RBPMS: variants seen among roughly 807,000 people sequenced by gnomAD.
The protein encoded by RBPMS is RNA binding protein, mRNA processing factor.
RBPMS carries 7 observed loss-of-function variants against 26.8 expected under a neutral mutation model. The observed-to-expected ratio is 0.26, with a 90% confidence interval of 0.15 to 0.49. RBPMS has a LOEUF of 0.49. RBPMS is among the 20% of genes least tolerant of loss of function. The pLI, the probability that RBPMS is intolerant of heterozygous loss-of-function variation, is 0.98. For synonymous variants in RBPMS, 96 were observed against 93.3 expected, an observed-to-expected ratio of 1.03 and a Z score of -0.17; for missense variants, 186 against 250.0, an observed-to-expected ratio of 0.74 and a Z score of 1.73.
chr8:30,485,698 C>G (rs190427121), intron 4 of RBPMS, among the ~76,000 whole-genome samples: 14 of 152,138 alleles, frequency 9.2e-5, no homozygotes, highest in South Asian at 2.1e-4. Context: ...TGAACTCCCC[C>G]CAAAGAAAAT....
intron 5 of RBPMS, among the ~76,000 whole-genome samples, chr8:30,530,035 G>C (rs553627249): frequency 1.3e-5 from 2 of 152,252 alleles, no homozygotes; most frequent in South Asian, 4.1e-4. Flanking sequence ...GATTACAGGC[G>C]TGAGCCACCG....
At chr8:30,461,052 A>C (rs1815831679) in intron 1 of RBPMS, among the ~76,000 whole-genome samples, 1 of 151,650 alleles carries the variant, frequency 6.6e-6, no homozygotes, top group African/African-American at 2.4e-5. Context: ...ATCTGAAAAA[A>C]AAAAAAAAGA....
intron 1 of RBPMS, among the ~76,000 whole-genome samples, chr8:30,412,872 T>A (rs1195348463): frequency 1.3e-5 from 2 of 152,194 alleles, no homozygotes; most frequent in Non-Finnish European, 2.9e-5. Flanking sequence ...AAAAGCTACT[T>A]TCCAAGATTT....
At chr8:30,440,507 C>T (rs959960345) in intron 1 of RBPMS, among the ~76,000 whole-genome samples, 6 of 152,174 alleles carry the variant, frequency 3.9e-5, no homozygotes, top group African/African-American at 7.2e-5. Flanking sequence ...CATGTCGTAG[C>T]GTGTGCCAGA....
chr8:30,411,985 CA>C (rs11367222), intron 1 of RBPMS, among the ~76,000 whole-genome samples: 76,254 of 120,772 alleles, frequency 0.63, 21,344 homozygotes, highest in African/African-American at 0.67. Flanking sequence ...GACTTCGTCT[CA>C]AAAAAAAAAA....
chr8:30,520,796 T>C (rs988184126), intron 5 of RBPMS, among the ~76,000 whole-genome samples: 1 of 152,112 alleles, frequency 6.6e-6, no homozygotes, highest in Non-Finnish European at 1.5e-5. Flanking sequence ...TTTACAGCTT[T>C]GTGAGAATAA....
chr8:30,514,680 C>CTTTTTTTTTTT (rs577244764), intron 5 of RBPMS, among the ~76,000 whole-genome samples: 1,852 of 82,406 alleles, frequency 0.022, 281 homozygotes, highest in South Asian at 0.042. Flanking sequence ...CCATGCCGGG[C>CTTTTTTTTTTT]TTTTTTTTTT....
intron 5 of RBPMS, among the ~76,000 whole-genome samples, chr8:30,511,034 A>G (rs763330026): frequency 6.6e-6 from 1 of 151,162 alleles, no homozygotes; most frequent in South Asian, 2.2e-4. Flanking sequence ...AATCAAGGCC[A>G]GGCGTGGTGG....
At chr8:30,544,780 C>G (rs1430983348) in intron 6 of RBPMS, 156 bp downstream of exon 6, 1 of 1,589,820 alleles carries the variant, frequency 6.3e-7, no homozygotes, top group East Asian at 2.2e-5. Context: ...GACACTCCTT[C>G]AGGACTGACG....
At chr8:30,530,400 C>T (rs560395909) in intron 5 of RBPMS, among the ~76,000 whole-genome samples, 11 of 152,346 alleles carry the variant, frequency 7.2e-5, no homozygotes, top group Non-Finnish European at 1.5e-4. Context: ...TCAGTCTCCA[C>T]TATCCAGACA....
At chr8:30,471,240 A>C (rs1157619361) in intron 1 of RBPMS, among the ~76,000 whole-genome samples, 1 of 152,182 alleles carries the variant, frequency 6.6e-6, no homozygotes, top group Non-Finnish European at 1.5e-5. Context: ...GTGGAACTAT[A>C]TATACTTTTT....
intron 5 of RBPMS, among the ~76,000 whole-genome samples, chr8:30,528,574 T>G (rs1384279220): frequency 1.3e-5 from 2 of 152,216 alleles, no homozygotes; most frequent in African/African-American, 2.4e-5. Context: ...AGAAATTCAA[T>G]AATGAGGATG....
intron 1 of RBPMS, among the ~76,000 whole-genome samples, chr8:30,472,622 G>A (rs1306050636): frequency 6.6e-6 from 1 of 152,124 alleles, no homozygotes; most frequent in African/African-American, 2.4e-5. Context: ...ATAAAATAAG[G>A]CATTCAGAAT....
At chr8:30,495,234 T>C (rs1191790666) in intron 4 of RBPMS, among the ~76,000 whole-genome samples, 1 of 152,102 alleles carries the variant, frequency 6.6e-6, no homozygotes, top group Non-Finnish European at 1.5e-5. Context: ...GAGGATAAAA[T>C]TTTATTGCGT....
At chr8:30,486,339 CAAATAAAT>C (rs201551478) in intron 4 of RBPMS, among the ~76,000 whole-genome samples, 67 of 144,966 alleles carry the variant, frequency 4.6e-4, no homozygotes, top group African/African-American at 1.7e-3. Flanking sequence ...GACTCCATCT[CAAATAAAT>C]AAATAAATAA....
At chr8:30,531,129 C>T (rs1414488080) in intron 5 of RBPMS, among the ~76,000 whole-genome samples, 3 of 151,784 alleles carry the variant, frequency 2.0e-5, no homozygotes, top group Admixed American at 6.6e-5. Context: ...AGGTATTTCC[C>T]GTCCCCTAAT....
chr8:30,525,933 A>C (rs751949286), intron 5 of RBPMS, among the ~76,000 whole-genome samples: 2 of 152,210 alleles, frequency 1.3e-5, no homozygotes, highest in Non-Finnish European at 2.9e-5. Flanking sequence ...ATTCCTTGCC[A>C]CTCATGAGAA....
At chr8:30,496,325 C>A (rs1217012475) in intron 4 of RBPMS, among the ~76,000 whole-genome samples, 1 of 152,092 alleles carries the variant, frequency 6.6e-6, no homozygotes, top group Non-Finnish European at 1.5e-5. Context: ...TCCGCCACCA[C>A]GCCCGGCTAA....
intron 7 of RBPMS, chr8:30,564,908 T>C (rs749207632): frequency 6.6e-5 from 10 of 151,938 alleles, no homozygotes; most frequent in African/African-American, 1.2e-4. Flanking sequence ...CCTGGGGACA[T>C]GGAGGAGAGG....
Sources: allele counts gnomAD v4.1 joint callset (sites outside exome capture counted in the v4.1 genomes callset), GRCh38; gene constraint gnomAD v4.1.1; transcripts MANE v1.5; gene names NCBI Gene and HGNC (gene_info 2026-07-23, HGNC 2026-07-21).